AGMO: variants seen among roughly 807,000 people sequenced by gnomAD.
The protein encoded by AGMO is alkylglycerol monooxygenase.
A neutral mutation model predicts 60.2 loss-of-function variants in AGMO; 75 were observed. The observed-to-expected ratio is 1.25, with a 90% CI of 1.03 to 1.51. AGMO has a LOEUF of 1.51. AGMO is among the 40% of genes most tolerant of loss of function. The probability of loss-of-function intolerance (pLI) is 0.00; values close to 1 mark genes in which losing one functional copy is unlikely to be tolerated. For missense variants in AGMO, 763 were observed against 525.5 expected (o/e 1.45, Z -4.42); for synonymous variants, 261 against 177.1 (o/e 1.47, Z -3.76).
chr7:15,505,572 T>C (rs966811399), intron 3 of AGMO, among the ~76,000 whole-genome samples: 1 of 151,962 alleles, frequency 6.6e-6, no homozygotes, highest in African/African-American at 2.4e-5. Context: ...TAAACAAAAA[T>C]AAGCATTGGC....
At chr7:15,154,750 T>TA in the AGMO span, among the ~76,000 whole-genome samples, 1 of 152,182 alleles carries the variant, frequency 6.6e-6, no homozygotes, top group Non-Finnish European at 1.5e-5. Flanking sequence ...CTTTTGTTTG[T>TA]ATGTTTAGCA....
At chr7:15,326,533 C>A (rs1781344413) in intron 12 of AGMO, among the ~76,000 whole-genome samples, 1 of 152,270 alleles carries the variant, frequency 6.6e-6, no homozygotes, top group East Asian at 1.9e-4. Flanking sequence ...CTTACTAATG[C>A]TCTTAAGGTT....
chr7:15,147,092 T>C, the AGMO span, among the ~76,000 whole-genome samples: 1 of 152,106 alleles, frequency 6.6e-6, no homozygotes, highest in Non-Finnish European at 1.5e-5. Flanking sequence ...TCCCTTCTTG[T>C]TGCTTGGCCT....
At chr7:15,447,738 A>G (rs1781738487) in intron 3 of AGMO, among the ~76,000 whole-genome samples, 1 of 151,708 alleles carries the variant, frequency 6.6e-6, no homozygotes, top group African/African-American at 2.4e-5. Context: ...TTTTCAGTAG[A>G]GACAGGGTTT....
chr7:15,337,863 G>C (rs1470046130), intron 12 of AGMO, among the ~76,000 whole-genome samples: 1 of 152,184 alleles, frequency 6.6e-6, no homozygotes, highest in Non-Finnish European at 1.5e-5. Flanking sequence ...CTTTGCAACT[G>C]TGACTAGCAA....
intron 12 of AGMO, among the ~76,000 whole-genome samples, chr7:15,208,926 A>T (rs1374725575): frequency 6.6e-6 from 1 of 152,230 alleles, no homozygotes; most frequent in African/African-American, 2.4e-5. Context: ...GAAACACGAC[A>T]TTTAATCTAA....
intron 12 of AGMO, among the ~76,000 whole-genome samples, chr7:15,249,337 A>C (rs1782861580): frequency 6.6e-6 from 1 of 152,152 alleles, no homozygotes; most frequent in Non-Finnish European, 1.5e-5. Context: ...GTAAGTGTGG[A>C]AAGAGGGAGA....
intron 5 of AGMO, among the ~76,000 whole-genome samples, chr7:15,409,602 A>G (rs1157468975): frequency 6.6e-6 from 1 of 151,908 alleles, no homozygotes; most frequent in Non-Finnish European, 1.5e-5. Flanking sequence ...CCTTAAAATA[A>G]AGCCCCATTA....
rs1269412498 is a variant in AGMO, at chr7:15,390,652, T to TA, written c.822+18dup. 1.3e-6 allele frequency: 2 copies of TA among 1,524,078 alleles called. No individual in the cohort carries two copies. Among genetic ancestry groups the TA allele is most frequent in the South Asian group, 2.4e-5 (2 of 82,122 alleles). 94.4% of individuals were successfully genotyped at this position (1,524,078 alleles called of 1,614,324 possible). ...TGAAATGATATAAATGAAGAAAGAA[T>TA]AAAAAACAAGTATGTTACCTGCACT... is the stretch of plus-strand genomic sequence containing the variant. On this transcript the variant is annotated intron_variant, in intron 8 of 12. Coordinates refer to ENST00000342526, the MANE Select transcript of AGMO (RefSeq NM_001004320.2).
intron 10 of AGMO, among the ~76,000 whole-genome samples, chr7:15,375,694 C>A (rs1226057890): frequency 1.3e-5 from 2 of 152,114 alleles, no homozygotes; most frequent in African/African-American, 2.4e-5. Flanking sequence ...CTGTGCCCAG[C>A]CTCTTCACGT....
At chr7:15,545,687 A>G (rs1420246733) in intron 2 of AGMO, among the ~76,000 whole-genome samples, 2 of 152,102 alleles carry the variant, frequency 1.3e-5, no homozygotes, top group Non-Finnish European at 2.9e-5. Context: ...CTTGCCATCT[A>G]TTTATCAAGC....
At position 15,234,535 on chromosome 7, in the gene AGMO, GGTTTT is replaced by G. The variant is rs1298035470; in HGVS notation, c.1264-33181_1264-33177del. On this transcript the variant is annotated intron_variant, in intron 12 of 12. Transcript: ENST00000342526. ...CACGTTTAAAACCCAATCTCTTTTT[GGTTTT>G]GTTTTGTTTTTGTGTTTTTCTTATA... 3.3e-5 allele frequency among the ~76,000 whole-genome samples: 5 copies of G among 152,154 alleles called. No homozygotes were observed. The South Asian group carries it at 8.3e-4, about 25-fold the overall frequency.
At chr7:15,525,992 C>T (rs1399375797) in intron 3 of AGMO, among the ~76,000 whole-genome samples, 1 of 152,212 alleles carries the variant, frequency 6.6e-6, no homozygotes, top group African/African-American at 2.4e-5. Context: ...CTGCATGGAA[C>T]TCACTCCTGT....
intron 3 of AGMO, among the ~76,000 whole-genome samples, chr7:15,537,635 A>T (rs1338163733): frequency 6.6e-6 from 1 of 152,044 alleles, no homozygotes; most frequent in Non-Finnish European, 1.5e-5. Context: ...ACTGATGGAG[A>T]TTCCTGGCAT....
intron 3 of AGMO, among the ~76,000 whole-genome samples, chr7:15,499,770 T>A (rs1583618088): frequency 6.6e-6 from 1 of 151,802 alleles, no homozygotes; most frequent in African/African-American, 2.4e-5. Flanking sequence ...AATTATGATA[T>A]ACCCAAAAAT....
chr7:15,142,448 T>G, the AGMO span, among the ~76,000 whole-genome samples: 1 of 152,192 alleles, frequency 6.6e-6, no homozygotes, highest in Admixed American at 6.5e-5. Flanking sequence ...GGTTTTCTAG[T>G]GATAAAGGAG....
intron 3 of AGMO, among the ~76,000 whole-genome samples, chr7:15,482,778 TG>T (rs1782794709): frequency 1.3e-5 from 2 of 152,324 alleles, no homozygotes; most frequent in South Asian, 4.1e-4. Context: ...AAGGATAGTA[TG>T]GCATGGGCAA....
At chr7:15,259,588 C>T (rs113974977) in intron 12 of AGMO, among the ~76,000 whole-genome samples, 6 of 152,122 alleles carry the variant, frequency 3.9e-5, no homozygotes, top group Admixed American at 1.3e-4. Flanking sequence ...AAAAGATCAT[C>T]GCCTAGGCAC....
At chr7:15,349,493 T>C (rs1032850693) in intron 12 of AGMO, among the ~76,000 whole-genome samples, 1 of 152,104 alleles carries the variant, frequency 6.6e-6, no homozygotes, top group Non-Finnish European at 1.5e-5. Flanking sequence ...ATTCCCTCCG[T>C]TTTGTTTCTA....
Sources: gnomAD v4.1 joint callset for allele counts (sites outside exome capture counted in the v4.1 genomes callset) on GRCh38, gnomAD v4.1.1 for gene constraint, MANE v1.5 for transcripts, NCBI Gene and HGNC (gene_info 2026-07-23, HGNC 2026-07-21) for gene names.